PDZRN3: variants seen among roughly 807,000 people sequenced by gnomAD.
PDZRN3 encodes the protein E3 ubiquitin-protein ligase PDZRN3.
PDZRN3 carries 38 observed loss-of-function variants against 85.7 expected under a neutral mutation model. The observed-to-expected ratio is 0.44, with a 90% confidence interval of 0.34 to 0.58. PDZRN3 has a LOEUF of 0.58. Among genes scored for constraint, PDZRN3 ranks in the 20% least tolerant of loss-of-function variants. The pLI, the probability that PDZRN3 is intolerant of heterozygous loss-of-function variation, is 0.01. For synonymous variants in PDZRN3, 759 were observed against 638.0 expected (o/e 1.19, Z -2.86); for missense variants, 1,629 against 1,506.4 (o/e 1.08, Z -1.35).
At chr3:73,540,561 T>C (rs190321292) in intron 3 of PDZRN3, among the ~76,000 whole-genome samples, 1 of 152,314 alleles carries the variant, frequency 6.6e-6, no homozygotes, top group East Asian at 1.9e-4. Flanking sequence ...GCTGCTGTTC[T>C]TGTGATAGTG....
intron 3 of PDZRN3, among the ~76,000 whole-genome samples, chr3:73,528,465 C>T (rs548077728): frequency 6.6e-6 from 1 of 152,088 alleles, no homozygotes; most frequent in South Asian, 2.1e-4. Flanking sequence ...AAAACACGGC[C>T]CAGTTTTAGC....
At chr3:73,461,093 C>T (rs1458408370) in intron 3 of PDZRN3, among the ~76,000 whole-genome samples, 1 of 152,120 alleles carries the variant, frequency 6.6e-6, no homozygotes, top group East Asian at 1.9e-4. Context: ...CGTACCTGGC[C>T]AAGATTTATT....
chr3:73,550,805 C>CCAAAA (rs1181629374), intron 3 of PDZRN3, among the ~76,000 whole-genome samples: 5 of 152,134 alleles, frequency 3.3e-5, no homozygotes, highest in African/African-American at 1.2e-4. Context: ...AGAAGCACAA[C>CCAAAA]CAAAACAAAA....
chr3:73,530,889 G>A (rs1033736594), intron 3 of PDZRN3, among the ~76,000 whole-genome samples: 8 of 152,170 alleles, frequency 5.3e-5, no homozygotes, highest in Non-Finnish European at 1.2e-4. Flanking sequence ...AAGGGATAAA[G>A]CTCTGAAGAA....
At chr3:73,458,120 C>A (rs763283125) in intron 3 of PDZRN3, among the ~76,000 whole-genome samples, 1 of 152,094 alleles carries the variant, frequency 6.6e-6, no homozygotes, top group Non-Finnish European at 1.5e-5. Flanking sequence ...TTCTTTTTCT[C>A]CCTTGAAGGA....
intron 1 of PDZRN3, among the ~76,000 whole-genome samples, chr3:73,618,613 T>C (rs1250246214): frequency 1.3e-5 from 2 of 152,258 alleles, no homozygotes; most frequent in Non-Finnish European, 2.9e-5. Context: ...TTAAGCTCCT[T>C]GGTCTACGGT....
At chr3:73,394,028 T>C (rs1262111640) in intron 5 of PDZRN3, among the ~76,000 whole-genome samples, 1 of 152,206 alleles carries the variant, frequency 6.6e-6, no homozygotes, top group Non-Finnish European at 1.5e-5. Flanking sequence ...AATCTGTCAA[T>C]TCCTCCAACA....
intron 3 of PDZRN3, among the ~76,000 whole-genome samples, chr3:73,508,295 G>C (rs368813407): frequency 9.7e-4 from 147 of 152,284 alleles, no homozygotes; most frequent in African/African-American, 3.4e-3. Context: ...TTTCAAGGAA[G>C]ACCTCCCTCC....
intron 3 of PDZRN3, among the ~76,000 whole-genome samples, chr3:73,538,929 C>T (rs1000613594): frequency 1.3e-5 from 2 of 152,066 alleles, no homozygotes; most frequent in African/African-American, 4.8e-5. Flanking sequence ...AATCTAGTTG[C>T]TTATACAAGA....
chr3:73,443,501 G>GC (rs1702687727), intron 3 of PDZRN3, among the ~76,000 whole-genome samples: 1 of 127,806 alleles, frequency 7.8e-6, no homozygotes, highest in African/African-American at 4.0e-5. Context: ...TTTTTTTTGG[G>GC]GGGGGGACAG....
intron 3 of PDZRN3, among the ~76,000 whole-genome samples, chr3:73,567,942 A>T (rs937223901): frequency 5.3e-5 from 8 of 152,222 alleles, no homozygotes; most frequent in African/African-American, 1.9e-4. Flanking sequence ...ACCATTTGAA[A>T]ACCCAAGAAA....
intron 3 of PDZRN3, among the ~76,000 whole-genome samples, chr3:73,526,090 G>A (rs188077400): frequency 8.9e-4 from 136 of 152,244 alleles, no homozygotes; most frequent in Middle Eastern, 3.4e-3. Context: ...CTCTCTGGGC[G>A]GTAGTTTCTT....
chr3:73,384,475 C>T lies in PDZRN3; in HGVS notation c.2091G>A (p.Leu697=). 1 of 1,613,308 alleles carries T rather than the reference C, an allele frequency of 6.2e-7. No homozygotes were observed. The highest frequency in any genetic ancestry group is 8.5e-7 in the Non-Finnish European group (1 of 1,180,002). ...GGGCGCGCACGATGCTCAGGCACTC[C>T]AGCTCGATGCTGCGCAGCTCTTCGT... The part of the protein sequence containing the change: ...LLNEELRSIE[L]ECLSIVRAHK... Residue 697 remains leucine (L), a synonymous_variant, in exon 10 of 10, where the codon CTG becomes CTA. Coordinates refer to ENST00000263666, the MANE Select transcript of PDZRN3 (RefSeq NM_015009.3).
chr3:73,390,059 C>T (rs1701488495), intron 6 of PDZRN3, among the ~76,000 whole-genome samples, 181 bp from the exon 7 acceptor site: 1 of 152,174 alleles, frequency 6.6e-6, no homozygotes, highest in African/African-American at 2.4e-5. Flanking sequence ...TGCTTCTAAG[C>T]CCTTTCTAGG....
At chr3:73,613,567 G>A (rs1000772285) in intron 1 of PDZRN3, among the ~76,000 whole-genome samples, 5 of 152,072 alleles carry the variant, frequency 3.3e-5, no homozygotes, top group Admixed American at 6.6e-5. Flanking sequence ...GGATTGGTAC[G>A]AAAAGAAGGT....
At chr3:73,481,623 C>A (rs915029600) in intron 3 of PDZRN3, among the ~76,000 whole-genome samples, 7 of 151,618 alleles carry the variant, frequency 4.6e-5, no homozygotes, top group African/African-American at 1.2e-4. Flanking sequence ...AGCCACCACA[C>A]CTGGCCTGAG....
chr3:73,517,865 A>G (rs182964228), intron 3 of PDZRN3, among the ~76,000 whole-genome samples: 322 of 152,384 alleles, frequency 2.1e-3, no homozygotes, highest in Non-Finnish European at 4.0e-3. Context: ...GATGTGGGAT[A>G]CCATACAGAT....
At chr3:73,547,789 A>C (rs1701459924) in intron 3 of PDZRN3, among the ~76,000 whole-genome samples, 1 of 152,184 alleles carries the variant, frequency 6.6e-6, no homozygotes, top group African/African-American at 2.4e-5. Context: ...CAGACCAGAG[A>C]TGGGTCAGGC....
intron 3 of PDZRN3, among the ~76,000 whole-genome samples, chr3:73,560,541 G>A (rs1281358244): frequency 6.6e-6 from 1 of 152,182 alleles, no homozygotes; most frequent in African/African-American, 2.4e-5. Context: ...CTGCTCAATG[G>A]CATGTCAGAC....
Sources: gnomAD v4.1 joint callset for allele counts (sites outside exome capture counted in the v4.1 genomes callset) on GRCh38, gnomAD v4.1.1 for gene constraint, MANE v1.5 for transcripts, NCBI Gene and HGNC (gene_info 2026-07-23, HGNC 2026-07-21) for gene names.